The following ZNF610 variants were observed in gnomAD, a reference collection of about 807,000 sequenced individuals.
ZNF610 encodes zinc finger protein 610.
ZNF610 carries 14 observed loss-of-function variants against 14.1 expected under a neutral mutation model. That is an observed-to-expected ratio of 0.99 (90% confidence interval 0.65 to 1.55). The LOEUF (loss-of-function observed/expected upper bound fraction) is 1.55. Among genes scored for constraint, ZNF610 ranks in the 40% most tolerant of loss-of-function variants. The pLI is 0.00. For synonymous variants in ZNF610, 185 were observed against 187.6 expected, an observed-to-expected ratio of 0.99 and a Z score of 0.11; for missense variants, 530 against 558.0, an observed-to-expected ratio of 0.95 and a Z score of 0.51.
rs1986172044 is a variant in ZNF610, at chr19:52,367,591, A to G, written c.*824A>G. ...GTGTATGTGTGTGAGACATAAAACA[A>G]CATACGCTTCTGGGTGCAATATACT... On this transcript the variant is annotated 3_prime_UTR_variant, in exon 6 of 6. Transcript: ENST00000403906. 1 of 97,934 alleles carries G rather than the reference A, an allele frequency of 1.0e-5. No homozygotes were observed. Among genetic ancestry groups the G allele is most frequent in the Admixed American group, 1.0e-4 (1 of 9,590 alleles). 6.1% of individuals were successfully genotyped at this position (97,934 alleles called of 1,614,324 possible). A position where few individuals can be genotyped will look rare whatever the true frequency, so the allele number is the denominator to read the frequency against.
intron 5 of ZNF610, 79 bp from the exon 6 acceptor site, chr19:52,365,619 A>C: frequency 7.9e-7 from 1 of 1,272,848 alleles, no homozygotes; most frequent in Non-Finnish European, 1.1e-6. Flanking sequence ...GAGTTGGGTG[A>C]GGCTGATTCT....
At position 52,366,017 on chromosome 19, in the gene ZNF610, T is replaced by C; in HGVS notation, c.639T>C (p.Phe213=). The C allele has an allele frequency of 6.2e-7, 1 of 1,614,162 alleles. No individual in the cohort carries two copies. The highest frequency in any genetic ancestry group is 8.5e-7 in the Non-Finnish European group (1 of 1,180,042). ...EYECSEDGEV[F]RVRASLTNHQ... is the part of the protein sequence containing the mutation. ...AATGTAGTGAAGATGGTGAAGTTTT[T>C]AGAGTCCGTGCAAGCCTTACTAACC... The change falls in exon 6 of 6, where the codon TTT becomes TTC. Residue 213 remains phenylalanine (F), a synonymous_variant. Transcript: ENST00000403906.
At chr19:52,354,483 G>A (rs1207619471) in intron 5 of ZNF610, 104 bp downstream of exon 5, 1 of 1,284,006 alleles carries the variant, frequency 7.8e-7, no homozygotes, top group Non-Finnish European at 1.1e-6. Context: ...GGCAATCATA[G>A]CTCACTGCAG....
chr19:52,365,551 G>C lies in ZNF610; in HGVS notation c.320-147G>C, dbSNP rs1005263255. The C allele has an allele frequency of 4.2e-6, 3 of 717,728 alleles. No individual in the cohort carries two copies. In the African/African-American group the frequency reaches 5.3e-5, roughly 13 times the overall value. The allele number at this position is 717,728 out of a possible 1,614,324, so 44.5% of individuals were successfully genotyped here. On this transcript the variant is annotated intron_variant, in intron 5 of 5. Transcript: ENST00000403906. The stretch of plus-strand genomic sequence containing the variant: ...CTCCAATGCATCACGTCACCCCCTT[G>C]TGTTTTCAGCTCTCACAATGTGACA...
the ZNF610 span, among the ~76,000 whole-genome samples, chr19:52,330,670 G>A: frequency 6.6e-6 from 1 of 152,132 alleles, no homozygotes; most frequent in East Asian, 1.9e-4. Flanking sequence ...GAGAGTGCAG[G>A]ACACGCTGAG....
At position 52,341,234 on chromosome 19, in the gene ZNF610, A is replaced by G. The variant is rs567929732; in HGVS notation, c.-258+4728A>G. 6.6e-5 allele frequency among the ~76,000 whole-genome samples: 10 copies of G among 152,280 alleles called. No individual in the cohort carries two copies. In the South Asian group the frequency reaches 2.1e-3, roughly 32 times the overall value. On this transcript the variant is annotated intron_variant, in intron 1 of 5. Transcript: ENST00000403906. ...AGTTCTTGGTTGACTCCATCCAATC[A>G]AGTTATCGCATCCACCCATTCCATT... is the stretch of plus-strand genomic sequence containing the variant.
At chr19:52,339,314 A>G (rs557585887) in intron 1 of ZNF610, among the ~76,000 whole-genome samples, 2 of 151,922 alleles carry the variant, frequency 1.3e-5, no homozygotes, top group East Asian at 2.0e-4. Flanking sequence ...CAGACCCTTT[A>G]TGGGTTCCAG....
chr19:52,342,209 T>C (rs1336293156), intron 1 of ZNF610, among the ~76,000 whole-genome samples: 1 of 152,138 alleles, frequency 6.6e-6, no homozygotes, highest in Non-Finnish European at 1.5e-5. Context: ...TCCCAAAATG[T>C]ATCCAGATGG....
At position 52,360,106 on chromosome 19, in the gene ZNF610, T is replaced by C. The variant is rs577707346; in HGVS notation, c.320-5592T>C. 1.1e-3 allele frequency among the ~76,000 whole-genome samples: 161 copies of C among 152,296 alleles called. 1 individual carries two copies. Among genetic ancestry groups the C allele is most frequent in the Admixed American group, 0.01 (159 of 15,294 alleles). On this transcript the variant is annotated intron_variant, in intron 5 of 5. Coordinates refer to ENST00000403906, the MANE Select transcript of ZNF610 (RefSeq NM_001161425.2). ...GCTCTCTAAATGCAGTCCTCTTAGA[T>C]TTTTATAGAAACCTTATTATGTCAG...
At chr19:52,353,967 G>A (rs748059300) in intron 4 of ZNF610, among the ~76,000 whole-genome samples, 159 bp downstream of exon 4, 10 of 152,164 alleles carry the variant, frequency 6.6e-5, no homozygotes, top group Non-Finnish European at 1.3e-4. Context: ...TTTGAAATGC[G>A]TCCTTTCTTC....
intron 1 of ZNF610, among the ~76,000 whole-genome samples, chr19:52,343,130 C>T (rs1322903431): frequency 1.3e-5 from 2 of 152,146 alleles, no homozygotes; most frequent in East Asian, 1.9e-4. Flanking sequence ...CACGTATCCC[C>T]AGCAGTCCTG....
At position 52,336,361 on chromosome 19, in the gene ZNF610, A is replaced by G; in HGVS notation, c.-403A>G. 3.7e-6 allele frequency: 1 copy of G among 268,154 alleles called. No homozygotes were observed. Among genetic ancestry groups the G allele is most frequent in the Non-Finnish European group, 7.0e-6 (1 of 142,464 alleles). 16.6% of individuals were successfully genotyped at this position (268,154 alleles called of 1,614,324 possible). A position where few individuals can be genotyped will look rare whatever the true frequency, so the allele number is the denominator to read the frequency against. On this transcript the variant is annotated 5_prime_UTR_variant, in exon 1 of 6. Transcript: ENST00000403906. ...CGCGCTTCTGTACCCGGGATCTGAG[A>G]GTCAACACAGACCTTGAAATCCCCG...
chr19:52,339,776 C>T (rs532826353), intron 1 of ZNF610, among the ~76,000 whole-genome samples: 1 of 152,192 alleles, frequency 6.6e-6, no homozygotes, highest in Non-Finnish European at 1.5e-5. Flanking sequence ...TCTCTTGCCT[C>T]AGCCTCTCCA....
chr19:52,356,996 G>A (rs1395096723), intron 5 of ZNF610, among the ~76,000 whole-genome samples: 1 of 152,114 alleles, frequency 6.6e-6, no homozygotes, highest in Non-Finnish European at 1.5e-5. Context: ...CTGATGCTGT[G>A]TACCTGGAGA....
chr19:52,355,329 T>C (rs1382840400), intron 5 of ZNF610, among the ~76,000 whole-genome samples: 1 of 152,186 alleles, frequency 6.6e-6, no homozygotes, highest in African/African-American at 2.4e-5. Context: ...TGAGAGAACA[T>C]GAGCTACTCT....
intron 1 of ZNF610, among the ~76,000 whole-genome samples, chr19:52,336,716 C>A (rs528218555): frequency 1.3e-5 from 2 of 152,158 alleles, no homozygotes; most frequent in South Asian, 2.1e-4. Flanking sequence ...CCTTGAGACC[C>A]CACACTTCTA....
chr19:52,341,926 T>A (rs1437245236), intron 1 of ZNF610, among the ~76,000 whole-genome samples: 4 of 152,186 alleles, frequency 2.6e-5, no homozygotes, highest in African/African-American at 9.7e-5. Flanking sequence ...TTCTCCCACC[T>A]CAGCCTCCTG....
At chr19:52,345,805 C>T (rs942679329) in intron 1 of ZNF610, among the ~76,000 whole-genome samples, 1 of 151,526 alleles carries the variant, frequency 6.6e-6, no homozygotes, top group Non-Finnish European at 1.5e-5. Flanking sequence ...CCCGGGTTCA[C>T]ACCATTCTCC....
At chr19:52,350,066 A>C (rs1985176662) in intron 3 of ZNF610, among the ~76,000 whole-genome samples, 1 of 152,166 alleles carries the variant, frequency 6.6e-6, no homozygotes, top group Non-Finnish European at 1.5e-5. Flanking sequence ...GTGTTCCTGC[A>C]GGGAGTCTTG....
Sources: gnomAD v4.1 joint callset for allele counts (sites outside exome capture counted in the v4.1 genomes callset) on GRCh38, gnomAD v4.1.1 for gene constraint, MANE v1.5 for transcripts, NCBI Gene and HGNC (gene_info 2026-07-23, HGNC 2026-07-21) for gene names.